Variants in ZBTB20 observed in about 807,000 individuals in gnomAD.
ZBTB20 encodes zinc finger and BTB domain-containing protein 20.
ZBTB20 carries 9 observed loss-of-function variants against 56.9 expected under a neutral mutation model. The observed-to-expected ratio is 0.16, with a 90% CI of 0.10 to 0.28. ZBTB20 has a LOEUF of 0.28. ZBTB20 is among the 10% of genes least tolerant of loss of function. The probability of loss-of-function intolerance (pLI) is 1.00; values close to 1 mark genes in which losing one functional copy is unlikely to be tolerated. For synonymous variants in ZBTB20, 417 were observed against 420.7 expected, an observed-to-expected ratio of 0.99 and a Z score of 0.11; for missense variants, 655 against 1,003.0, an observed-to-expected ratio of 0.65 and a Z score of 4.69.
Position 114,351,519 on chromosome 3 carries a change from C to T in ZBTB20, c.559G>A (p.Asp187Asn), listed in dbSNP as rs1194124217. ...TGTGACACGATGCGCGTGCACTCGT[C>T]GATGACTGTTTTGATCTGCAGGATG... ...ASILQIKTVIDECTRIVSQNV... is the reference protein window; with the variant it reads ...ASILQIKTVINECTRIVSQNV... The change falls in exon 11 of 12, where the codon GAC becomes AAC. Residue 187 changes from aspartate to asparagine, a missense_variant. By Grantham distance (23) the Asp-to-Asn change is conservative. Around this residue, in one of 10 missense-constraint regions of ZBTB20, gnomAD observed 167 missense variants for 281.9 expected, o/e 0.59. Transcript: ENST00000675478. The T allele has an allele frequency of 6.2e-7, 1 of 1,614,008 alleles. No homozygotes were observed. Among genetic ancestry groups the T allele is most frequent in the Non-Finnish European group, 8.5e-7 (1 of 1,180,014 alleles).
At chr3:114,943,084 T>C (rs561151194) in intron 3 of ZBTB20, among the ~76,000 whole-genome samples, 2 of 145,550 alleles carry the variant, frequency 1.4e-5, no homozygotes, top group East Asian at 3.9e-4. Context: ...AGTAGTCTTA[T>C]ACCAACGAAG....
At chr3:115,058,531 C>A (rs1264492917) in intron 2 of ZBTB20, among the ~76,000 whole-genome samples, 5 of 152,128 alleles carry the variant, frequency 3.3e-5, no homozygotes, top group Non-Finnish European at 7.4e-5. Context: ...GAGTTTGAGA[C>A]CAGCCTGGCC....
rs2071051381 is a variant in ZBTB20, at chr3:114,792,728, T to C, written c.-343+8373A>G. On this transcript the variant is annotated intron_variant, in intron 5 of 11. Transcript: ENST00000675478. ...AGGGTTATGTTTGCAGTGGCACCCA[T>C]CATCAGCAATGTTTCAACCCCCGTC... Among the ~76,000 whole-genome samples, 3 of 152,220 alleles carry C rather than the reference T, an allele frequency of 2.0e-5. No individual in the cohort carries two copies. The South Asian group carries it at 6.2e-4, about 32-fold the overall frequency.
chr3:114,507,906 A>G (rs1320826961), intron 6 of ZBTB20, among the ~76,000 whole-genome samples: 1 of 152,146 alleles, frequency 6.6e-6, no homozygotes, highest in Non-Finnish European at 1.5e-5. Flanking sequence ...CACGTTTTTT[A>G]TTCAATTTGC....
Position 114,701,626 on chromosome 3 carries a change from G to A in ZBTB20, c.-342-8051C>T, listed in dbSNP as rs140325524. Among the ~76,000 whole-genome samples the A allele has an allele frequency of 1.3e-3, 204 of 152,238 alleles. 1 individual carries two copies. Among genetic ancestry groups the A allele is most frequent in the African/African-American group, 4.5e-3 (189 of 41,544 alleles). On this transcript the variant is annotated intron_variant, in intron 5 of 11. Transcript: ENST00000675478. ...GTTAAAGAGCTGTTAGCTAACCTGCGTAAGGAAACAGAGCTAATTTAAAAA... is the reference window on the plus strand; with the variant it reads ...GTTAAAGAGCTGTTAGCTAACCTGCATAAGGAAACAGAGCTAATTTAAAAA...
chr3:114,788,690 C>T (rs1329899953), intron 5 of ZBTB20, among the ~76,000 whole-genome samples: 1 of 152,116 alleles, frequency 6.6e-6, no homozygotes, highest in Non-Finnish European at 1.5e-5. Flanking sequence ...GAATATAGGA[C>T]ATTTCATTTA....
chr3:114,333,897 T>G lies in ZBTB20; in HGVS notation c.*5108A>C, dbSNP rs1247614292. 6.6e-6 allele frequency: 1 copy of G among 152,194 alleles called. No homozygotes were observed. The highest frequency in any genetic ancestry group is 1.5e-5 in the Non-Finnish European group (1 of 68,032). 9.4% of individuals were successfully genotyped at this position (152,194 alleles called of 1,614,324 possible). On this transcript the variant is annotated 3_prime_UTR_variant, in exon 12 of 12. Coordinates refer to ENST00000675478, the MANE Select transcript of ZBTB20 (RefSeq NM_001348800.3). The stretch of plus-strand genomic sequence containing the variant: ...TTTGGTGCTGAATACATTTTGCAAT[T>G]CTTTTGTTCTCTGCCCTAGAGCTTC...
intron 1 of ZBTB20, among the ~76,000 whole-genome samples, chr3:115,108,332 A>C (rs1417291074): frequency 1.3e-5 from 2 of 152,194 alleles, no homozygotes; most frequent in Non-Finnish European, 2.9e-5. Context: ...CTCTTTGAGG[A>C]AAACATCTTG....
At chr3:114,419,020 T>C (rs1329827237) in intron 7 of ZBTB20, 1 of 152,082 alleles carries the variant, frequency 6.6e-6, no homozygotes, top group Non-Finnish European at 1.5e-5. Context: ...AATTATAAAA[T>C]TGAAGGGCAT....
chr3:115,010,765 A>G (rs2108260197), intron 2 of ZBTB20, among the ~76,000 whole-genome samples: 1 of 152,102 alleles, frequency 6.6e-6, no homozygotes, highest in East Asian at 2.0e-4. Context: ...AACACCATCC[A>G]GGGAAATGAC....
At chr3:114,624,888 G>C (rs551045198) in intron 6 of ZBTB20, 1 of 152,524 alleles carries the variant, frequency 6.6e-6, no homozygotes, top group Non-Finnish European at 1.5e-5. Flanking sequence ...CTTTCTGCTC[G>C]GGAGGCTGAG....
At chr3:114,541,535 C>T (rs1396347290) in intron 6 of ZBTB20, among the ~76,000 whole-genome samples, 6 of 152,080 alleles carry the variant, frequency 3.9e-5, no homozygotes, top group African/African-American at 1.4e-4. Flanking sequence ...TTCCTGTTTA[C>T]AAATTTGCCC....
At chr3:114,795,276 T>A (rs751747077) in intron 5 of ZBTB20, among the ~76,000 whole-genome samples, 1 of 152,066 alleles carries the variant, frequency 6.6e-6, no homozygotes, top group Non-Finnish European at 1.5e-5. Flanking sequence ...TTGAATTAAT[T>A]TTGATCTTGT....
chr3:114,775,404 T>C (rs2069517478), intron 5 of ZBTB20, among the ~76,000 whole-genome samples: 1 of 152,212 alleles, frequency 6.6e-6, no homozygotes, highest in Admixed American at 6.5e-5. Context: ...TAAAAGATTG[T>C]AATCATGTTG....
intron 3 of ZBTB20, among the ~76,000 whole-genome samples, chr3:114,954,980 C>T (rs996213485): frequency 6.6e-6 from 1 of 152,150 alleles, no homozygotes; most frequent in Non-Finnish European, 1.5e-5. Flanking sequence ...AATAGTAATT[C>T]TAAAGGAAAC....
At chr3:114,454,133 GAGAGAGAGGAAGAGAGAGAGGA>G (rs1353291105) in intron 7 of ZBTB20, among the ~76,000 whole-genome samples, 1 of 149,666 alleles carries the variant, frequency 6.7e-6, no homozygotes, top group Non-Finnish European at 1.5e-5. Context: ...ATGGGGGGCA[GAGAGAGAGGAAGAGAGAGAGGA>G]AGAGAGAGGA....
chr3:114,507,803 C>T (rs892637307), intron 6 of ZBTB20, among the ~76,000 whole-genome samples: 1 of 151,600 alleles, frequency 6.6e-6, no homozygotes, highest in Non-Finnish European at 1.5e-5. Context: ...AATCACAATA[C>T]AGTTGAGTAA....
At chr3:114,457,358 T>C (rs557240657) in intron 7 of ZBTB20, among the ~76,000 whole-genome samples, 1 of 152,164 alleles carries the variant, frequency 6.6e-6, no homozygotes, top group Non-Finnish European at 1.5e-5. Flanking sequence ...CGGTAGTTAT[T>C]ATGGAGGAAG....
At chr3:114,854,703 C>G (rs192514653) in intron 4 of ZBTB20, among the ~76,000 whole-genome samples, 1 of 152,298 alleles carries the variant, frequency 6.6e-6, no homozygotes, top group East Asian at 1.9e-4. Flanking sequence ...GCAGGGCTAT[C>G]TAATATGTGA....
Sources: gnomAD v4.1 joint callset for allele counts (sites outside exome capture counted in the v4.1 genomes callset) on GRCh38, gnomAD v4.1.1 for gene constraint, gnomAD v4.1.1 regional missense constraint, MANE v1.5 for transcripts, NCBI Gene and HGNC (gene_info 2026-07-23, HGNC 2026-07-21) for gene names.